TRPM3: variants seen among roughly 807,000 people sequenced by gnomAD.
The protein encoded by TRPM3 is long transient receptor potential channel 3.
Under a neutral mutation model 181.2 loss-of-function variants are expected in TRPM3, and 77 were observed. The ratio of observed to expected loss-of-function variants is 0.42; its 90% confidence interval spans 0.35 to 0.51. The LOEUF (loss-of-function observed/expected upper bound fraction) is 0.51. Ranked by LOEUF, TRPM3 falls within the 20% of genes least tolerant of loss-of-function variation. TRPM3 has a pLI of 0.01. For synonymous variants in TRPM3, 745 were observed against 796.4 expected, an observed-to-expected ratio of 0.94 and a Z score of 1.09; for missense variants, 1,759 against 2,196.7, an observed-to-expected ratio of 0.80 and a Z score of 3.98.
intron 1 of TRPM3, among the ~76,000 whole-genome samples, chr9:71,301,597 A>G (rs78685026): frequency 5.0e-4 from 76 of 152,294 alleles, no homozygotes; most frequent in African/African-American, 1.7e-3. Flanking sequence ...TTCTCTATGT[A>G]TATCTTTTAA....
intron 3 of TRPM3, among the ~76,000 whole-genome samples, chr9:70,849,928 T>G (rs1319583679): frequency 6.6e-6 from 1 of 152,192 alleles, no homozygotes; most frequent in Non-Finnish European, 1.5e-5. Context: ...TGAAATATAT[T>G]TAGCTGAAAC....
intron 1 of TRPM3, among the ~76,000 whole-genome samples, chr9:71,253,618 C>T (rs2082489245): frequency 6.6e-6 from 1 of 152,050 alleles, no homozygotes; most frequent in South Asian, 2.1e-4. Flanking sequence ...TGTTTTGGTA[C>T]AGCCATTACA....
At position 70,662,861 on chromosome 9, in the gene TRPM3, A is replaced by T. The variant is rs12553277; in HGVS notation, c.1345+18645T>A. Reference sequence around the variant, plus strand: ...TCCTTAAAGAACTAAAAGTAGATCTACCATTTAGTCCAGCAATCCTGCTAC... The same window carrying T: ...TCCTTAAAGAACTAAAAGTAGATCTTCCATTTAGTCCAGCAATCCTGCTAC... On this transcript the variant is annotated intron_variant, in intron 9 of 25. Transcript: ENST00000677713. Among the ~76,000 whole-genome samples the T allele has an allele frequency of 5.9e-3, 892 of 152,332 alleles. 36 individuals carry two copies. The highest frequency in any genetic ancestry group is 0.052 in the Admixed American group (791 of 15,300).
In TRPM3 at chr9:70,827,988, G is replaced by T. The variant is rs753911138; in HGVS notation, c.832C>A (p.Pro278Thr). ...TTGAGAACAGTGAGCTTGCTCATGG[G>T]ATTGGACATGGTCTGGTATGGCCGG... Reference protein sequence around the residue: ...VVRPYQTMSNPMSKLTVLNSM... With the variant: ...VVRPYQTMSNTMSKLTVLNSM... The change falls in exon 6 of 26, where the codon CCC (proline) becomes ACC (threonine). Residue 278 changes from proline (P) to threonine (T), a missense_variant. Transcript: ENST00000677713. The T allele has an allele frequency of 1.1e-5, 18 of 1,613,962 alleles. No homozygotes were observed. The highest frequency in any genetic ancestry group is 1.5e-5 in the Non-Finnish European group (18 of 1,179,884).
chr9:70,533,569 T>C lies in TRPM3; in HGVS notation c.*2384A>G, dbSNP rs902003739. On this transcript the variant is annotated 3_prime_UTR_variant, in exon 26 of 26. Transcript: ENST00000677713. ...GGCTCATGAACCCTTTCAAGTTATA[T>C]TGCAACTTTGCATTATGTACATTTT... 5.3e-5 allele frequency: 8 copies of C among 152,276 alleles called. No individual in the cohort carries two copies. The highest frequency in any genetic ancestry group is 1.7e-4 in the African/African-American group (7 of 41,546). 9.4% of individuals were successfully genotyped at this position (152,276 alleles called of 1,614,324 possible).
intron 1 of TRPM3, among the ~76,000 whole-genome samples, chr9:71,206,346 T>G (rs2079118700): frequency 6.6e-6 from 1 of 152,214 alleles, no homozygotes; most frequent in Admixed American, 6.5e-5. Context: ...TAATGATCAG[T>G]GATGATGAGC....
intron 1 of TRPM3, among the ~76,000 whole-genome samples, chr9:71,159,847 T>C (rs1469444659): frequency 6.6e-6 from 1 of 152,128 alleles, no homozygotes; most frequent in Non-Finnish European, 1.5e-5. Flanking sequence ...GAGATGTGAG[T>C]AGATGAATCA....
At chr9:70,863,643 A>G (rs1263458631) in intron 2 of TRPM3, among the ~76,000 whole-genome samples, 1 of 152,188 alleles carries the variant, frequency 6.6e-6, no homozygotes, top group Non-Finnish European at 1.5e-5. Context: ...TCTTGACGAA[A>G]CAATGAAAAA....
At chr9:71,332,993 T>C (rs1426123449) in intron 1 of TRPM3, among the ~76,000 whole-genome samples, 3 of 151,936 alleles carry the variant, frequency 2.0e-5, no homozygotes, top group African/African-American at 7.3e-5. Context: ...TATAACAATA[T>C]GCTTATATTC....
intron 1 of TRPM3, among the ~76,000 whole-genome samples, chr9:71,211,435 A>G (rs1471957373): frequency 6.6e-6 from 1 of 151,880 alleles, no homozygotes; most frequent in Non-Finnish European, 1.5e-5. Context: ...ATGCCAATTC[A>G]AAGTTTCAGT....
intron 1 of TRPM3, among the ~76,000 whole-genome samples, chr9:71,095,244 A>G (rs1356467957): frequency 1.3e-5 from 2 of 152,152 alleles, no homozygotes; most frequent in Non-Finnish European, 2.9e-5. Context: ...CTAACAAAAT[A>G]TTTGCTTATT....
At chr9:71,226,201 A>G (rs76250638) in intron 1 of TRPM3, among the ~76,000 whole-genome samples, 2,838 of 152,166 alleles carry the variant, frequency 0.019, 96 homozygotes, top group African/African-American at 0.066. Context: ...AAAAATAAAA[A>G]GCAAGAAATT....
chr9:70,631,851 G>A (rs921260517), intron 12 of TRPM3, among the ~76,000 whole-genome samples: 1 of 152,212 alleles, frequency 6.6e-6, no homozygotes, highest in Admixed American at 6.5e-5. Flanking sequence ...TCTCAAAGAA[G>A]AGGTAAACTG....
chr9:71,351,871 T>G (rs990400598), intron 1 of TRPM3, among the ~76,000 whole-genome samples: 1 of 76,342 alleles, frequency 1.3e-5, no homozygotes, highest in Non-Finnish European at 3.0e-5. Context: ...TGTTTGTTTG[T>G]TTTTGTTTTT....
chr9:70,990,698 C>T (rs978817171), intron 1 of TRPM3, among the ~76,000 whole-genome samples: 2 of 152,094 alleles, frequency 1.3e-5, no homozygotes, highest in Admixed American at 1.3e-4. Flanking sequence ...CAGGACTGCA[C>T]ATACATGTGG....
intron 8 of TRPM3, among the ~76,000 whole-genome samples, chr9:70,691,874 G>T (rs2134456120): frequency 6.6e-6 from 1 of 152,298 alleles, no homozygotes; most frequent in Non-Finnish European, 1.5e-5. Flanking sequence ...ATGTCCCAGG[G>T]AGAGTATACA....
intron 1 of TRPM3, among the ~76,000 whole-genome samples, chr9:70,965,704 A>G (rs957078160): frequency 6.6e-6 from 1 of 152,012 alleles, no homozygotes; most frequent in African/African-American, 2.4e-5. Context: ...GGGTTTTTGC[A>G]TCATTGTTCA....
chr9:70,625,849 G>A lies in TRPM3; in HGVS notation c.1633-332C>T, dbSNP rs1398936522. On this transcript the variant is annotated intron_variant, in intron 12 of 25. Coordinates refer to ENST00000677713, the MANE Select transcript of TRPM3 (RefSeq NM_001366145.2). This position sits in a 1 kb window ranked among gnomAD's most constrained non-coding sequence, Gnocchi z 4.8. ...CCATCAGCTGGGATTTTAGGACTCGGGTCTCCTTTAATACAAAACCTCTAT... is the reference window on the plus strand; with the variant it reads ...CCATCAGCTGGGATTTTAGGACTCGAGTCTCCTTTAATACAAAACCTCTAT... Among the ~76,000 whole-genome samples the A allele has an allele frequency of 6.6e-6, 1 of 152,022 alleles. No homozygotes were observed. Among genetic ancestry groups the A allele is most frequent in the Non-Finnish European group, 1.5e-5 (1 of 68,014 alleles).
intron 1 of TRPM3, among the ~76,000 whole-genome samples, chr9:71,287,965 G>C (rs187713036): frequency 2.5e-4 from 38 of 152,124 alleles, no homozygotes; most frequent in African/African-American, 8.9e-4. Context: ...CAATGAGCCT[G>C]AACTTAAACT....
Sources: gnomAD v4.1 joint callset for allele counts (sites outside exome capture counted in the v4.1 genomes callset) on GRCh38, gnomAD v4.1.1 for gene constraint, Gnocchi (gnomAD v3.1) non-coding constraint, MANE v1.5 for transcripts, NCBI Gene and HGNC (gene_info 2026-07-23, HGNC 2026-07-21) for gene names.